The following GPM6A variants were observed in gnomAD, a reference collection of about 807,000 sequenced individuals.
The protein encoded by GPM6A is neuronal membrane glycoprotein M6-a.
A neutral mutation model predicts 32.1 loss-of-function variants in GPM6A; 7 were observed. The observed-to-expected ratio is 0.22, with a 90% CI of 0.12 to 0.41. The LOEUF (loss-of-function observed/expected upper bound fraction) is 0.41. GPM6A is among the 10% of genes least tolerant of loss of function. The pLI is 1.00. For synonymous variants in GPM6A, 130 were observed against 123.4 expected (o/e 1.05, Z -0.35); for missense variants, 235 against 347.2 (o/e 0.68, Z 2.57).
intron 1 of GPM6A, among the ~76,000 whole-genome samples, chr4:175,711,506 T>C (rs1372728657): frequency 7.0e-6 from 1 of 143,124 alleles, no homozygotes; most frequent in Admixed American, 7.0e-5. Flanking sequence ...TTTATATACT[T>C]GTATATATAA....
chr4:175,877,318 G>A (rs904100480), intron 1 of GPM6A, among the ~76,000 whole-genome samples: 1 of 152,122 alleles, frequency 6.6e-6, no homozygotes, highest in Non-Finnish European at 1.5e-5. Context: ...AGATGTACAA[G>A]GACAGCAAGT....
intron 6 of GPM6A, among the ~76,000 whole-genome samples, chr4:175,635,892 C>T (rs1475722296): frequency 6.6e-6 from 1 of 151,828 alleles, no homozygotes; most frequent in Non-Finnish European, 1.5e-5. Flanking sequence ...AAAGGGTGGG[C>T]AATATTTTAA....
chr4:175,832,095 C>T (rs1735634164), intron 1 of GPM6A, among the ~76,000 whole-genome samples: 1 of 146,436 alleles, frequency 6.8e-6, no homozygotes, highest in South Asian at 2.2e-4. Flanking sequence ...ATCAGAGCCC[C>T]CTTGATCTTT....
chr4:175,891,970 A>G (rs923872225), intron 1 of GPM6A, among the ~76,000 whole-genome samples: 1 of 152,326 alleles, frequency 6.6e-6, no homozygotes, highest in East Asian at 1.9e-4. Flanking sequence ...GCAAACTTCA[A>G]TGTGGCTTTT....
intron 1 of GPM6A, among the ~76,000 whole-genome samples, chr4:175,910,869 G>C (rs979394388): frequency 2.6e-5 from 4 of 152,142 alleles, no homozygotes; most frequent in Non-Finnish European, 5.9e-5. Flanking sequence ...GCCCGAAGCA[G>C]CCATATGCAA....
chr4:175,785,168 T>G (rs1288980955), intron 1 of GPM6A, among the ~76,000 whole-genome samples: 2 of 152,176 alleles, frequency 1.3e-5, no homozygotes, highest in African/African-American at 4.8e-5. Context: ...GCTCTGGGGA[T>G]GTCCCCTGAC....
At chr4:175,827,415 C>G (rs1735473270) in intron 1 of GPM6A, among the ~76,000 whole-genome samples, 1 of 152,154 alleles carries the variant, frequency 6.6e-6, no homozygotes, top group Non-Finnish European at 1.5e-5. Context: ...TTATTATCCC[C>G]ACTTCGCAGC....
At chr4:175,933,707 T>TA (rs1739129452) in intron 1 of GPM6A, among the ~76,000 whole-genome samples, 1 of 152,134 alleles carries the variant, frequency 6.6e-6, no homozygotes, top group African/African-American at 2.4e-5. Flanking sequence ...CATGCCCGGC[T>TA]AATTTTTTTT....
chr4:175,880,327 T>C (rs1289933387), intron 1 of GPM6A, among the ~76,000 whole-genome samples: 3 of 152,206 alleles, frequency 2.0e-5, no homozygotes, highest in Non-Finnish European at 4.4e-5. Context: ...GCGTGATGCC[T>C]CCAGCTTTGT....
chr4:175,886,722 A>G (rs1056460194), intron 1 of GPM6A, among the ~76,000 whole-genome samples: 2 of 145,724 alleles, frequency 1.4e-5, no homozygotes, highest in African/African-American at 5.1e-5. Context: ...AAACTCAGTA[A>G]ACACACACAC....
chr4:175,826,173 AAAC>A (rs1735430359), intron 1 of GPM6A, among the ~76,000 whole-genome samples: 2 of 145,822 alleles, frequency 1.4e-5, no homozygotes, highest in Non-Finnish European at 3.0e-5. Context: ...ACAAACAAAC[AAAC>A]AAAAAAACTG....
intron 1 of GPM6A, among the ~76,000 whole-genome samples, chr4:175,930,612 A>G (rs1739006850): frequency 6.6e-6 from 1 of 152,054 alleles, no homozygotes; most frequent in Non-Finnish European, 1.5e-5. Context: ...TTTGAGCCTC[A>G]AAAGCTGATT....
At chr4:176,002,389 G>A (rs1337966489), upstream of GPM6A, 6 of 1,551,620 alleles carry the variant, frequency 3.9e-6, no homozygotes, top group Non-Finnish European at 5.2e-6. Flanking sequence ...AGTTCTCCAA[G>A]CCGCGCTGAG....
chr4:175,723,848 T>G (rs1009650362), intron 1 of GPM6A, among the ~76,000 whole-genome samples: 1 of 152,146 alleles, frequency 6.6e-6, no homozygotes, highest in African/African-American at 2.4e-5. Context: ...CTCTCATATT[T>G]TAAAAATTTT....
At chr4:175,961,717 G>A (rs922315812) in intron 1 of GPM6A, among the ~76,000 whole-genome samples, 6 of 152,218 alleles carry the variant, frequency 3.9e-5, no homozygotes, top group African/African-American at 1.2e-4. Context: ...GAGAGTGAGA[G>A]AGCAGCTCTT....
rs562033202 is a variant in GPM6A, at chr4:175,946,152, A to T, written c.-23+56157T>A. ...ATAAAAAATCTATAAATTTATAAAA[A>T]TTAAAAAAATTAAACTTCATTCGAA... On this transcript the variant is annotated intron_variant, in intron 1 of 7. Transcript: ENST00000280187. Among the ~76,000 whole-genome samples the T allele has an allele frequency of 9.2e-5, 14 of 152,346 alleles. 1 individual carries two copies. In the South Asian group the frequency reaches 2.9e-3, roughly 32 times the overall value.
At chr4:175,889,673 C>A (rs997673504) in intron 1 of GPM6A, among the ~76,000 whole-genome samples, 1 of 151,948 alleles carries the variant, frequency 6.6e-6, no homozygotes, top group Non-Finnish European at 1.5e-5. Flanking sequence ...CTTAGCTGGG[C>A]GTGGTGGCGG....
chr4:175,811,358 A>G (rs951569192), intron 1 of GPM6A, among the ~76,000 whole-genome samples: 10 of 152,132 alleles, frequency 6.6e-5, no homozygotes, highest in Non-Finnish European at 1.3e-4. Context: ...CATAAGCCCG[A>G]CAGCAGACGA....
At chr4:175,994,343 G>C (rs1328213309) in intron 1 of GPM6A, among the ~76,000 whole-genome samples, 5 of 152,264 alleles carry the variant, frequency 3.3e-5, no homozygotes, top group African/African-American at 1.2e-4. Flanking sequence ...ATTAGGACCA[G>C]GATTAGAAAA....
Sources: gnomAD v4.1 joint callset for allele counts (sites outside exome capture counted in the v4.1 genomes callset) on GRCh38, gnomAD v4.1.1 for gene constraint, MANE v1.5 for transcripts, NCBI Gene and HGNC (gene_info 2026-07-23, HGNC 2026-07-21) for gene names.